Variants in CHD3 observed in about 807,000 individuals in gnomAD.
CHD3 encodes chromodomain helicase DNA binding protein 3.
In CHD3, 52 loss-of-function variants were observed where a neutral mutation model predicts 248.9. That is an observed-to-expected ratio of 0.21 (90% CI 0.17 to 0.26). The LOEUF is 0.26. Among genes scored for constraint, CHD3 ranks in the 10% least tolerant of loss-of-function variants. CHD3 has a pLI of 1.00. For synonymous variants in CHD3, 985 were observed against 985.2 expected, an observed-to-expected ratio of 1.00 and a Z score of 0.00; for missense variants, 1,482 against 2,605.8, an observed-to-expected ratio of 0.57 and a Z score of 9.39.
chr17:7,902,989 G>A lies in CHD3; in HGVS notation c.3423G>A (p.Leu1141=). 1.2e-6 allele frequency: 2 copies of A among 1,614,096 alleles called. No individual in the cohort carries two copies. The stretch of plus-strand genomic sequence containing the variant: ...TCCTGTCCACCCGAGCTGGGGGCCT[G>A]GGCATCAATCTGGCCACTGCTGACA... ...CFLLSTRAGG[L]GINLATADTV... is the part of the protein sequence containing the mutation. The change falls in exon 22 of 40, where the codon CTG becomes CTA. Residue 1141 remains leucine (L), a synonymous_variant. Transcript: ENST00000330494.
At position 7,911,628 on chromosome 17, in the gene CHD3, G is replaced by GCCGACC. The variant is rs1274895839; in HGVS notation, c.*46_*51dup. On this transcript the variant is annotated 3_prime_UTR_variant, in exon 40 of 40. Coordinates refer to ENST00000330494, the MANE Select transcript of CHD3 (RefSeq NM_001005273.3). The surrounding 1 kb of genome is among the most constrained non-coding windows in gnomAD (Gnocchi z 5.4). Reference sequence around the variant, plus strand: ...CCTTCACCCAGGCCCCGTCCCCGAGGCCGACCCCCAGCTCAAGCGCTGGGG... The same window carrying GCCGACC: ...CCTTCACCCAGGCCCCGTCCCCGAGGCCGACCCCGACCCCCAGCTCAAGCGCTGGGG... The GCCGACC allele has an allele frequency of 6.2e-7, 1 of 1,612,636 alleles. No homozygotes were observed. Among genetic ancestry groups the GCCGACC allele is most frequent in the African/African-American group, 1.3e-5 (1 of 74,896 alleles).
At position 7,909,343 on chromosome 17, in the gene CHD3, G is replaced by A; in HGVS notation, c.5590+5G>A. On this transcript the variant is annotated splice_donor_5th_base_variant and intron_variant, in intron 37 of 39. Coordinates refer to ENST00000330494, the MANE Select transcript of CHD3 (RefSeq NM_001005273.3). The surrounding 1 kb of genome is among the most constrained non-coding windows in gnomAD (Gnocchi z 8.1). ...CCAACGCCGTCCTGCACAAGGGTAAGGGCCGCGGCGGCCCCGCGCGGGGGA... is the reference window on the plus strand; with the variant it reads ...CCAACGCCGTCCTGCACAAGGGTAAAGGCCGCGGCGGCCCCGCGCGGGGGA... 6.5e-7 allele frequency: 1 copy of A among 1,540,316 alleles called. No individual in the cohort carries two copies. The highest frequency in any genetic ancestry group is 8.8e-7 in the Non-Finnish European group (1 of 1,141,698).
At position 7,907,650 on chromosome 17, in the gene CHD3, A is replaced by G; in HGVS notation, c.4974A>G (p.Gly1658=). The change falls in exon 33 of 40, where the codon GGA becomes GGG. Residue 1658 remains glycine, a synonymous_variant. Transcript: ENST00000330494. The surrounding 1 kb of genome is among the most constrained non-coding windows in gnomAD (Gnocchi z 4.3). The part of the protein sequence containing the change: ...GERGEEKPLD[G]QEHRERPEGE... ...GGGGGGAGGAGAAGCCGTTGGATGG[A>G]CAGGAACACAGGGAGAGGCCGGAGG... 2 of 1,533,498 alleles carry G rather than the reference A, an allele frequency of 1.3e-6. No individual in the cohort carries two copies. The highest frequency in any genetic ancestry group is 1.7e-6 in the Non-Finnish European group (2 of 1,146,914). 95.0% of individuals were successfully genotyped at this position (1,533,498 alleles called of 1,614,324 possible).
In CHD3 at chr17:7,904,645, G is replaced by C; in HGVS notation, c.4072+26G>C. 2.5e-6 allele frequency: 4 copies of C among 1,599,350 alleles called. No homozygotes were observed. The highest frequency in any genetic ancestry group is 3.4e-6 in the Non-Finnish European group (4 of 1,168,834). On this transcript the variant is annotated intron_variant, in intron 25 of 39. Coordinates refer to ENST00000330494, the MANE Select transcript of CHD3 (RefSeq NM_001005273.3). This position sits in a 1 kb window ranked among gnomAD's most constrained non-coding sequence, Gnocchi z 4.4. ...GTGAGGACTGCCCCAGATGCAGGCAGTAAAGGGGGGAAGTGATGATGAGTA... is the reference window on the plus strand; with the variant it reads ...GTGAGGACTGCCCCAGATGCAGGCACTAAAGGGGGGAAGTGATGATGAGTA...
At position 7,897,176 on chromosome 17, in the gene CHD3, G is replaced by A. The variant is rs577325529; in HGVS notation, c.1801G>A (p.Asp601Asn). Residue 601 changes from aspartate (D) to asparagine (N), a missense_variant, in exon 11 of 40, where the codon GAT becomes AAT. Physicochemically the swap from Asp to Asn is conservative, Grantham distance 23. Transcript: ENST00000330494. This position sits in a 1 kb window ranked among gnomAD's most constrained non-coding sequence, Gnocchi z 4.8. ...CCTGGACTATGGCTCCGGCGAGGAT[G>A]ATGGGAAGAGCGACAAGCGTAAAGT... ...PPLDYGSGEDDGKSDKRKVKD... is the reference protein window; with the variant it reads ...PPLDYGSGEDNGKSDKRKVKD... The A allele has an allele frequency of 1.9e-6, 3 of 1,614,214 alleles. No homozygotes were observed. The highest frequency in any genetic ancestry group is 2.2e-5 in the East Asian group (1 of 44,886).
At chr17:7,891,375 C>T (rs989214529) in intron 4 of CHD3, among the ~76,000 whole-genome samples, 15 of 152,170 alleles carry the variant, frequency 9.9e-5, no homozygotes, top group African/African-American at 3.6e-4. Flanking sequence ...CCAACAGCTC[C>T]ATCTTCTGCT....
rs764655073 is a variant in CHD3, at chr17:7,906,035, C to T, written c.4358+46C>T. 3.1e-6 allele frequency: 5 copies of T among 1,610,576 alleles called. No individual in the cohort carries two copies. The highest frequency in any genetic ancestry group is 1.7e-5 in the Admixed American group (1 of 59,878). ...GCTGAGTTGGACGCAAGGGGAAGAG[C>T]TTTGGGTGTTCCTTTCTTCCTTGGG... On this transcript the variant is annotated intron_variant, in intron 28 of 39. Coordinates refer to ENST00000330494, the MANE Select transcript of CHD3 (RefSeq NM_001005273.3). The surrounding 1 kb of genome is among the most constrained non-coding windows in gnomAD (Gnocchi z 5.0).
Position 7,905,169 on chromosome 17 carries a change from G to A in CHD3, c.4138+4G>A, listed in dbSNP as rs2151622973. The A allele has an allele frequency of 6.2e-7, 1 of 1,613,658 alleles. No individual in the cohort carries two copies. Among genetic ancestry groups the A allele is most frequent in the South Asian group, 1.1e-5 (1 of 91,078 alleles). On this transcript the variant is annotated splice_donor_region_variant and intron_variant, in intron 26 of 39. Coordinates refer to ENST00000330494, the MANE Select transcript of CHD3 (RefSeq NM_001005273.3). The surrounding 1 kb of genome is among the most constrained non-coding windows in gnomAD (Gnocchi z 5.8). ...GACTTCGATGAACGTCCTGAAGGTG[G>A]CATCTGTGTTCCTGACTCTACCTCA...
Position 7,890,656 on chromosome 17 carries a change from G to C in CHD3, c.299G>C (p.Gly100Ala), listed in dbSNP as rs767034177. Residue 100 changes from glycine (G) to alanine (A), a missense_variant, in exon 3 of 40, where the codon GGT (glycine) becomes GCT (alanine). Gly to Ala is a moderately conservative substitution (Grantham distance 60). Coordinates refer to ENST00000330494, the MANE Select transcript of CHD3 (RefSeq NM_001005273.3). Reference sequence around the variant, plus strand: ...GGCAGTGAATATGGAACCGGACCGGGTCGGAAACGAAGAAGGAAGCACCGA... The same window carrying C: ...GGCAGTGAATATGGAACCGGACCGGCTCGGAAACGAAGAAGGAAGCACCGA... The part of the protein sequence containing the change: ...SGGSEYGTGP[G>A]RKRRRKHREK... 1.9e-6 allele frequency: 3 copies of C among 1,609,418 alleles called. No individual in the cohort carries two copies. The highest frequency in any genetic ancestry group is 2.5e-6 in the Non-Finnish European group (3 of 1,178,706).
At position 7,889,858 on chromosome 17, in the gene CHD3, A is replaced by G. The variant is rs1015575991; in HGVS notation, c.213+82A>G. On this transcript the variant is annotated intron_variant, in intron 2 of 39. Transcript: ENST00000330494. This position sits in a 1 kb window ranked among gnomAD's most constrained non-coding sequence, Gnocchi z 4.5. Reference sequence around the variant, plus strand: ...ACCTACATTTTCTCTGGTCCTGATTACTGGTGTGGGGGTGGGGTTCTGAAG... The same window carrying G: ...ACCTACATTTTCTCTGGTCCTGATTGCTGGTGTGGGGGTGGGGTTCTGAAG... 2.8e-5 allele frequency: 38 copies of G among 1,352,682 alleles called. No individual in the cohort carries two copies. The South Asian group carries it at 4.4e-4, about 16-fold the overall frequency. 83.8% of individuals were successfully genotyped at this position (1,352,682 alleles called of 1,614,324 possible).
In CHD3 at chr17:7,893,849, G is replaced by A; in HGVS notation, c.838G>A (p.Gly280Arg). ...GAGTAAGAGCCCCCGAGTGCCTGATGGACGCAAGAAGCTTCGGGGAAAGAA... is the reference window on the plus strand; with the variant it reads ...GAGTAAGAGCCCCCGAGTGCCTGATAGACGCAAGAAGCTTCGGGGAAAGAA... ...RRSKSPRVPD[G>R]RKKLRGKKMA... The change falls in exon 6 of 40, where the codon GGA (glycine) becomes AGA (arginine). Residue 280 changes from glycine to arginine, a missense_variant. Transcript: ENST00000330494. 1 of 1,614,086 alleles carries A rather than the reference G, an allele frequency of 6.2e-7. No individual in the cohort carries two copies. Among genetic ancestry groups the A allele is most frequent in the Non-Finnish European group, 8.5e-7 (1 of 1,180,014 alleles).
intron 4 of CHD3, among the ~76,000 whole-genome samples, chr17:7,892,172 T>G (rs1567838098): frequency 6.6e-6 from 1 of 152,212 alleles, no homozygotes; most frequent in Non-Finnish European, 1.5e-5. Flanking sequence ...CCTACCTTAC[T>G]GCTGAACTTG....
chr17:7,890,576 T>C lies in CHD3; in HGVS notation c.219T>C (p.Ser73=), dbSNP rs1400159934. 2 of 1,563,466 alleles carry C rather than the reference T, an allele frequency of 1.3e-6. No individual in the cohort carries two copies. Among genetic ancestry groups the C allele is most frequent in the Non-Finnish European group, 1.7e-6 (2 of 1,157,950 alleles). ...TTTTTATTTCTTTCTCTTAGGACAG[T>C]GAGGAGGAATTTGGTTCTGAGCGAG... ...GKPRKRKKRD[S]EEEFGSERDE... Residue 73 remains serine, a synonymous_variant, in exon 3 of 40, where the codon AGT becomes AGC. Transcript: ENST00000330494.
chr17:7,894,157 G>A lies in CHD3; in HGVS notation c.967G>A (p.Glu323Lys), dbSNP rs1278846431. 6.2e-7 allele frequency: 1 copy of A among 1,614,074 alleles called. No individual in the cohort carries two copies. The highest frequency in any genetic ancestry group is 1.3e-5 in the African/African-American group (1 of 74,924). ...SDEGPEPEAE[E>K]SDLDSGSVHS... Reference sequence around the variant, plus strand: ...CGAAGGTCCTGAACCAGAGGCTGAGGAATCAGACCTGGACAGTGGCAGTGT... The same window carrying A: ...CGAAGGTCCTGAACCAGAGGCTGAGAAATCAGACCTGGACAGTGGCAGTGT... The change falls in exon 7 of 40, where the codon GAA (glutamate) becomes AAA (lysine). Residue 323 changes from glutamate to lysine, a missense_variant. Glu to Lys is a moderately conservative substitution (Grantham distance 56, BLOSUM62 1). Around this residue, in one of 20 missense-constraint regions of CHD3, gnomAD observed 149 missense variants for 182.6 expected, o/e 0.82. Coordinates refer to ENST00000330494, the MANE Select transcript of CHD3 (RefSeq NM_001005273.3).
chr17:7,885,310 G>GCCGCACCCCT (rs1555603822), upstream of CHD3: 1 of 102,782 alleles, frequency 9.7e-6, no homozygotes. Flanking sequence ...CCCCTCCCCC[G>GCCGCACCCCT]CCGCCGCCGC....
intron 20 of CHD3, among the ~76,000 whole-genome samples, 174 bp from the exon 21 acceptor site, chr17:7,902,436 T>A (rs950040027): frequency 2.0e-5 from 3 of 149,984 alleles, no homozygotes; most frequent in South Asian, 2.1e-4. Context: ...AAAATAAAAA[T>A]AAATAAAAAT....
rs1420771906 is a variant in CHD3 at position 7,906,139 on chromosome 17, G to A, written c.4358+150G>A. The A allele has an allele frequency of 7.8e-7, 1 of 1,275,266 alleles. No homozygotes were observed. Among genetic ancestry groups the A allele is most frequent in the Non-Finnish European group, 1.1e-6 (1 of 884,900 alleles). 79.0% of individuals were successfully genotyped at this position (1,275,266 alleles called of 1,614,324 possible). On this transcript the variant is annotated intron_variant, in intron 28 of 39. Transcript: ENST00000330494. This position sits in a 1 kb window ranked among gnomAD's most constrained non-coding sequence, Gnocchi z 5.0. The stretch of plus-strand genomic sequence containing the variant: ...ATACTTCCTGGCTCGATTTCCTGGG[G>A]GGTGGTCTCAGCCCACTCCACCTCC...
chr17:7,889,825 T>C lies in CHD3; in HGVS notation c.213+49T>C. ...CTGTGGCAAGGCTCAAGAGACCCAT[T>C]CTCAGAGACCTACATTTTCTCTGGT... On this transcript the variant is annotated intron_variant, in intron 2 of 39. Coordinates refer to ENST00000330494, the MANE Select transcript of CHD3 (RefSeq NM_001005273.3). The surrounding 1 kb of genome is among the most constrained non-coding windows in gnomAD (Gnocchi z 4.5). 1 of 1,514,832 alleles carries C rather than the reference T, an allele frequency of 6.6e-7. No individual in the cohort carries two copies. Among genetic ancestry groups the C allele is most frequent in the South Asian group, 1.2e-5 (1 of 85,280 alleles). 93.8% of individuals were successfully genotyped at this position (1,514,832 alleles called of 1,614,324 possible). A position where few individuals can be genotyped will look rare whatever the true frequency, so the allele number is the denominator to read the frequency against.
intron 3 of CHD3, 52 bp from the exon 4 acceptor site, chr17:7,890,888 C>G: frequency 1.9e-6 from 3 of 1,610,748 alleles, no homozygotes; most frequent in Non-Finnish European, 2.5e-6. Flanking sequence ...TGTGTGCGGC[C>G]TGGAATAGGG....
Sources: gnomAD v4.1 joint callset for allele counts (sites outside exome capture counted in the v4.1 genomes callset) on GRCh38, gnomAD v4.1.1 for gene constraint, gnomAD v4.1.1 regional missense constraint, Gnocchi (gnomAD v3.1) non-coding constraint, MANE v1.5 for transcripts, NCBI Gene and HGNC (gene_info 2026-07-23, HGNC 2026-07-21) for gene names.